ROBO2: variants seen among roughly 807,000 people sequenced by gnomAD.
The protein encoded by ROBO2 is roundabout guidance receptor 2.
A neutral mutation model predicts 160.8 loss-of-function variants in ROBO2; 53 were observed. The ratio of observed to expected loss-of-function variants is 0.33; its 90% CI spans 0.26 to 0.41. The LOEUF (loss-of-function observed/expected upper bound fraction) is 0.41. Ranked by LOEUF, ROBO2 falls within the 10% of genes least tolerant of loss-of-function variation. The probability of loss-of-function intolerance (pLI) is 1.00; values close to 1 mark genes in which losing one functional copy is unlikely to be tolerated. For missense variants in ROBO2, 1,577 were observed against 1,722.4 expected, an observed-to-expected ratio of 0.92 and a Z score of 1.49; for synonymous variants, 664 against 611.7, an observed-to-expected ratio of 1.09 and a Z score of -1.26.
intron 2 of ROBO2, among the ~76,000 whole-genome samples, chr3:76,580,030 C>G (rs2085557775): frequency 1.3e-5 from 2 of 152,148 alleles, no homozygotes; most frequent in South Asian, 4.1e-4. Context: ...AAGAGGTCCC[C>G]AACACAAGGA....
intron 2 of ROBO2, among the ~76,000 whole-genome samples, chr3:76,306,720 A>T (rs183621322): frequency 1.3e-5 from 2 of 152,302 alleles, no homozygotes; most frequent in Admixed American, 1.3e-4. Flanking sequence ...TTGTCTGATT[A>T]TTCTTAAAAT....
chr3:77,182,871 T>G (rs1221213440), intron 2 of ROBO2, among the ~76,000 whole-genome samples: 1 of 152,098 alleles, frequency 6.6e-6, no homozygotes. Context: ...AAACTTTTCA[T>G]AAAATACAAG....
At chr3:77,477,701 T>C (rs1412370682) in intron 3 of ROBO2, 130 bp downstream of exon 3, 1 of 986,534 alleles carries the variant, frequency 1.0e-6, no homozygotes, top group African/African-American at 1.6e-5. Flanking sequence ...TATACTGCCT[T>C]GAAAAGATTT....
chr3:76,245,517 T>G (rs1705565199), intron 2 of ROBO2, among the ~76,000 whole-genome samples: 1 of 152,188 alleles, frequency 6.6e-6, no homozygotes, highest in Non-Finnish European at 1.5e-5. Flanking sequence ...TGAGTTTCTA[T>G]TTAGTCATTC....
intron 2 of ROBO2, among the ~76,000 whole-genome samples, chr3:76,784,009 G>A (rs1269552985): frequency 6.7e-6 from 1 of 150,350 alleles, no homozygotes; most frequent in Non-Finnish European, 1.5e-5. Flanking sequence ...TGCTGTTGTA[G>A]CTCTCTTTTG....
At chr3:76,806,935 A>G (rs2064771887) in intron 2 of ROBO2, among the ~76,000 whole-genome samples, 1 of 152,012 alleles carries the variant, frequency 6.6e-6, no homozygotes, top group African/African-American at 2.4e-5. Flanking sequence ...TTGAATCTTG[A>G]CTTGTGATTT....
chr3:76,635,460 A>G (rs1158823006), intron 2 of ROBO2, among the ~76,000 whole-genome samples: 1 of 152,194 alleles, frequency 6.6e-6, no homozygotes, highest in East Asian at 1.9e-4. Flanking sequence ...TGCCTATGTC[A>G]TAGGAATGCC....
chr3:77,398,554 A>G (rs2075502329), intron 2 of ROBO2, among the ~76,000 whole-genome samples: 1 of 151,798 alleles, frequency 6.6e-6, no homozygotes. Context: ...GATAACCTGG[A>G]TTTTTACTAG....
In ROBO2 at chr3:77,096,551, C is replaced by T. The variant is rs1419687000; in HGVS notation, c.62-1463C>T. 4.6e-5 allele frequency among the ~76,000 whole-genome samples: 7 copies of T among 151,390 alleles called. No individual in the cohort carries two copies. In the South Asian group the frequency reaches 8.4e-4, roughly 18 times the overall value. On this transcript the variant is annotated intron_variant, in intron 1 of 25. Coordinates refer to ENST00000461745, the Ensembl canonical transcript of ROBO2. ...GCAACCTCTGCTTCCTGAGTTCAAA[C>T]GATTCTCCTGCCTCAGCCTCCCGAG...
intron 1 of ROBO2, among the ~76,000 whole-genome samples, chr3:75,910,117 C>G (rs1376846769): frequency 6.6e-6 from 1 of 152,178 alleles, no homozygotes; most frequent in South Asian, 2.1e-4. Context: ...CAGGGCTGCT[C>G]CAGTGATCAG....
intron 2 of ROBO2, among the ~76,000 whole-genome samples, chr3:75,947,139 G>C (rs201559105): frequency 3.9e-5 from 6 of 152,108 alleles, no homozygotes; most frequent in Non-Finnish European, 5.9e-5. Context: ...AAATGGCAAC[G>C]TCTTGATGAC....
At chr3:77,457,022 A>G (rs1469940743) in intron 2 of ROBO2, among the ~76,000 whole-genome samples, 1 of 152,180 alleles carries the variant, frequency 6.6e-6, no homozygotes. Flanking sequence ...TTGCTTCCAC[A>G]CTGAATAGAG....
chr3:76,663,990 G>A lies in ROBO2; in HGVS notation c.110-434024G>A, dbSNP rs116741170. Among the ~76,000 whole-genome samples, 644 of 152,158 alleles carry A rather than the reference G, an allele frequency of 4.2e-3. 7 individuals are homozygous for A. The highest frequency in any genetic ancestry group is 0.015 in the African/African-American group (607 of 41,534). On this transcript the variant is annotated intron_variant, in intron 2 of 26. Coordinates refer to the ROBO2 transcript ENST00000487694. ...GGGATAGTCAGCCTGTGGAGAAAGG[G>A]GGCAAAAGGGTATAAAAAGGGAGAG...
At chr3:77,247,148 C>T (rs1486479289) in intron 2 of ROBO2, among the ~76,000 whole-genome samples, 1 of 152,132 alleles carries the variant, frequency 6.6e-6, no homozygotes, top group African/African-American at 2.4e-5. Context: ...ATTCTTTAGT[C>T]CATGTCTCGA....
chr3:76,399,994 G>C (rs1395791437), intron 2 of ROBO2, among the ~76,000 whole-genome samples: 1 of 151,538 alleles, frequency 6.6e-6, no homozygotes, highest in African/African-American at 2.4e-5. Context: ...TAGATGAATG[G>C]ATATTACGAC....
intron 2 of ROBO2, among the ~76,000 whole-genome samples, chr3:76,124,718 GA>G (rs1297547184): frequency 2.0e-5 from 3 of 151,974 alleles, no homozygotes; most frequent in Non-Finnish European, 4.4e-5. Flanking sequence ...AATTAATCTA[GA>G]AAAATGTTTC....
intron 1 of ROBO2, among the ~76,000 whole-genome samples, chr3:77,097,701 G>A (rs1256851096): frequency 6.6e-6 from 1 of 152,110 alleles, no homozygotes; most frequent in Non-Finnish European, 1.5e-5. Flanking sequence ...CAGGAAATTA[G>A]TCTTACTCAT....
intron 2 of ROBO2, among the ~76,000 whole-genome samples, chr3:77,133,519 A>G (rs1327439895): frequency 1.3e-5 from 2 of 152,242 alleles, no homozygotes; most frequent in Non-Finnish European, 2.9e-5. Flanking sequence ...AAAACAAATT[A>G]TGATTAGGAA....
At chr3:76,402,238 G>A (rs1194520847) in intron 2 of ROBO2, among the ~76,000 whole-genome samples, 2 of 151,362 alleles carry the variant, frequency 1.3e-5, no homozygotes, top group Non-Finnish European at 3.0e-5. Context: ...TCCATTTAAA[G>A]GTGTTAAACC....
Sources: gnomAD v4.1 joint callset for allele counts (sites outside exome capture counted in the v4.1 genomes callset) on GRCh38, gnomAD v4.1.1 for gene constraint, MANE v1.5 for transcripts, NCBI Gene and HGNC (gene_info 2026-07-23, HGNC 2026-07-21) for gene names.